ARNT: variants seen among roughly 807,000 people sequenced by gnomAD.
ARNT encodes aryl hydrocarbon receptor nuclear translocator.
In ARNT, 30 loss-of-function variants were observed where a neutral mutation model predicts 105.0. The ratio of observed to expected loss-of-function variants is 0.29; its 90% CI spans 0.21 to 0.39. The LOEUF is 0.39. Among genes scored for constraint, ARNT ranks in the 10% least tolerant of loss-of-function variants. The probability of loss-of-function intolerance (pLI) is 1.00; values close to 1 mark genes in which losing one functional copy is unlikely to be tolerated. For synonymous variants in ARNT, 304 were observed against 344.0 expected (o/e 0.88, Z 1.29); for missense variants, 748 against 978.7 (o/e 0.76, Z 3.15).
chr1:150,859,145 T>G (rs1223888010), intron 1 of ARNT, among the ~76,000 whole-genome samples: 1 of 152,102 alleles, frequency 6.6e-6, no homozygotes, highest in Non-Finnish European at 1.5e-5. Flanking sequence ...TATTTATAAC[T>G]TATTTTATTT....
intron 15 of ARNT, 43 bp from the exon 16 acceptor site, chr1:150,817,476 A>T (rs187707647): frequency 1.2e-4 from 189 of 1,582,574 alleles, no homozygotes; most frequent in East Asian, 2.5e-4. Context: ...AGAAAAAAAA[A>T]TTTTTTTTAA....
rs780124305 is a variant in ARNT, at chr1:150,852,749, T to C, written c.182+13A>G. Reference sequence around the variant, plus strand: ...AATATCAGACATCTAAGGAAAGTTTTTCAGTCTCTTACCTCAAAAATTTAC... The same window carrying C: ...AATATCAGACATCTAAGGAAAGTTTCTCAGTCTCTTACCTCAAAAATTTAC... On this transcript the variant is annotated intron_variant, in intron 3 of 21. Transcript: ENST00000358595. 6.2e-7 allele frequency: 1 copy of C among 1,607,116 alleles called. No homozygotes were observed. The highest frequency in any genetic ancestry group is 8.5e-7 in the Non-Finnish European group (1 of 1,176,510).
At chr1:150,855,063 T>C (rs1051400111) in intron 2 of ARNT, among the ~76,000 whole-genome samples, 14 of 152,124 alleles carry the variant, frequency 9.2e-5, no homozygotes, top group African/African-American at 3.4e-4. Context: ...CCCAAAGTGC[T>C]GGCACTACAG....
chr1:150,822,268 G>GT (rs1408122787), intron 14 of ARNT, among the ~76,000 whole-genome samples: 1 of 152,106 alleles, frequency 6.6e-6, no homozygotes, highest in African/African-American at 2.4e-5. Context: ...TGTGATAAGT[G>GT]TCTTTTTGTC....
At chr1:150,844,306 A>C (rs927809879) in intron 4 of ARNT, among the ~76,000 whole-genome samples, 1 of 152,192 alleles carries the variant, frequency 6.6e-6, no homozygotes, top group Non-Finnish European at 1.5e-5. Context: ...TAGCTGTCTT[A>C]TTATTTCAAC....
intron 5 of ARNT, among the ~76,000 whole-genome samples, chr1:150,840,868 G>A (rs1661152574): frequency 6.6e-6 from 1 of 152,056 alleles, no homozygotes; most frequent in Admixed American, 6.6e-5. Context: ...GTCCTCCATG[G>A]GGATGCCTCA....
intron 8 of ARNT, among the ~76,000 whole-genome samples, chr1:150,833,943 T>C (rs966258880): frequency 2.6e-5 from 4 of 151,868 alleles, no homozygotes; most frequent in African/African-American, 7.2e-5. Context: ...TTTTCTTTTT[T>C]TTTTTTTTGA....
Position 150,816,827 on chromosome 1 carries a change from T to C in ARNT, c.1763A>G (p.Asn588Ser), listed in dbSNP as rs1478511438. 1.3e-6 allele frequency: 2 copies of C among 1,589,938 alleles called. No individual in the cohort carries two copies. The highest frequency in any genetic ancestry group is 1.7e-6 in the Non-Finnish European group (2 of 1,174,138). ...CGGCCGGGGGGTAGGAGGGAATGTGTTGCCCTGGGAGAATAGCTGTTGGGT... is the reference window on the plus strand; with the variant it reads ...CGGCCGGGGGGTAGGAGGGAATGTGCTGCCCTGGGAGAATAGCTGTTGGGT... ...PATQQLFSQG[N>S]TFPPTPRPAE... Residue 588 changes from asparagine to serine, a missense_variant, in exon 18 of 22, where the codon AAC becomes AGC. Physicochemically the swap from Asn to Ser is conservative, Grantham distance 46. Around this residue, in one of 4 missense-constraint regions of ARNT, gnomAD observed 360 missense variants for 411.9 expected, o/e 0.87. Transcript: ENST00000358595.
At chr1:150,827,154 C>T (rs1297756717) in intron 12 of ARNT, among the ~76,000 whole-genome samples, 2 of 152,034 alleles carry the variant, frequency 1.3e-5, no homozygotes, top group Non-Finnish European at 2.9e-5. Flanking sequence ...GAATATTATA[C>T]ATTTATTTTA....
intron 12 of ARNT, 82 bp from the exon 13 acceptor site, chr1:150,826,699 C>T (rs1460799048): frequency 3.0e-5 from 32 of 1,053,688 alleles, no homozygotes; most frequent in Admixed American, 6.0e-5. Context: ...GGCTGGAGTA[C>T]GATGGCGCGA....
At chr1:150,817,512 A>G in intron 15 of ARNT, 79 bp from the exon 16 acceptor site, 1 of 1,354,312 alleles carries the variant, frequency 7.4e-7, no homozygotes, top group Non-Finnish European at 1.0e-6. Context: ...AAGAACCTTA[A>G]AACAAATTAA....
chr1:150,834,472 C>G (rs1340320028), intron 8 of ARNT, 66 bp downstream of exon 8: 4 of 1,505,554 alleles, frequency 2.7e-6, no homozygotes, highest in Admixed American at 3.4e-5. Flanking sequence ...TTAACTCTGA[C>G]AGAAATAAAA....
chr1:150,839,766 T>C, intron 5 of ARNT, 112 bp from the exon 6 acceptor site: 1 of 1,119,378 alleles, frequency 8.9e-7, no homozygotes. Context: ...TATTCAGATT[T>C]AGTGATGCTT....
At chr1:150,844,927 A>G (rs1661922172) in intron 4 of ARNT, among the ~76,000 whole-genome samples, 1 of 151,558 alleles carries the variant, frequency 6.6e-6, no homozygotes, top group African/African-American at 2.4e-5. Context: ...CTCATGCCTC[A>G]GCCTCTAGAG....
At chr1:150,841,542 A>G (rs587690100) in intron 5 of ARNT, among the ~76,000 whole-genome samples, 1 of 152,298 alleles carries the variant, frequency 6.6e-6, no homozygotes, top group Non-Finnish European at 1.5e-5. Flanking sequence ...CAGATTAAAG[A>G]GGAAATAGTA....
chr1:150,864,544 T>C (rs1464956096), intron 1 of ARNT, among the ~76,000 whole-genome samples: 1 of 137,842 alleles, frequency 7.3e-6, no homozygotes, highest in Non-Finnish European at 1.5e-5. Flanking sequence ...TTCTCACTCA[T>C]AGGTGGGAAC....
At chr1:150,836,777 C>T (rs587594748) in intron 6 of ARNT, among the ~76,000 whole-genome samples, 2 of 152,326 alleles carry the variant, frequency 1.3e-5, no homozygotes, top group African/African-American at 4.8e-5. Context: ...CACAGCGGCT[C>T]CCGCCGGTAA....
chr1:150,840,982 T>C (rs905553399), intron 5 of ARNT, among the ~76,000 whole-genome samples: 32 of 139,464 alleles, frequency 2.3e-4, no homozygotes, highest in Non-Finnish European at 4.6e-4. Flanking sequence ...GGAGTCTTGC[T>C]CTGTCACCCA....
chr1:150,863,392 A>C (rs1049502157), intron 1 of ARNT, among the ~76,000 whole-genome samples: 1 of 151,976 alleles, frequency 6.6e-6, no homozygotes, highest in African/African-American at 2.4e-5. Context: ...AATTCAGAGA[A>C]GATAATCCTG....
Sources: gnomAD v4.1 joint callset for allele counts (sites outside exome capture counted in the v4.1 genomes callset) on GRCh38, gnomAD v4.1.1 for gene constraint, gnomAD v4.1.1 regional missense constraint, MANE v1.5 for transcripts, NCBI Gene and HGNC (gene_info 2026-07-23, HGNC 2026-07-21) for gene names.